The following USP47 variants were observed in gnomAD, a reference collection of about 807,000 sequenced individuals.
USP47 encodes ubiquitin carboxyl-terminal hydrolase 47.
Under a neutral mutation model 165.1 loss-of-function variants are expected in USP47, and 35 were observed. That is an observed-to-expected ratio of 0.21 (90% CI 0.16 to 0.28). The LOEUF (loss-of-function observed/expected upper bound fraction) is 0.28, where lower values mean the gene tolerates loss of function less well. Among genes scored for constraint, USP47 ranks in the 10% least tolerant of loss-of-function variants. The pLI is 1.00. For synonymous variants in USP47, 531 were observed against 544.5 expected, an observed-to-expected ratio of 0.98 and a Z score of 0.35; for missense variants, 1,277 against 1,607.4, an observed-to-expected ratio of 0.79 and a Z score of 3.52.
intron 7 of USP47, among the ~76,000 whole-genome samples, chr11:11,905,072 C>T (rs1852466826): frequency 6.6e-6 from 1 of 151,934 alleles, no homozygotes; most frequent in African/African-American, 2.4e-5. Flanking sequence ...TAATTGGTAA[C>T]TGATTTCATC....
chr11:11,905,977 C>G (rs1852534801), intron 8 of USP47, among the ~76,000 whole-genome samples: 1 of 151,832 alleles, frequency 6.6e-6, no homozygotes, highest in Non-Finnish European at 1.5e-5. Flanking sequence ...GACAAACAGT[C>G]CATATTTTTA....
At position 11,932,317 on chromosome 11, in the gene USP47, A is replaced by G. The variant is rs554334733; in HGVS notation, c.1652-687A>G. Among the ~76,000 whole-genome samples, 10 of 152,294 alleles carry G rather than the reference A, an allele frequency of 6.6e-5. No homozygotes were observed. The South Asian group carries it at 8.3e-4, about 13-fold the overall frequency. On this transcript the variant is annotated intron_variant, in intron 14 of 27. Coordinates refer to ENST00000527733, the MANE Select transcript of USP47 (RefSeq NM_001282659.2). ...CCCACCTCCAGTATTGGGGATTCCA[A>G]TTCAACATGAGATTTGGGCGAGGAC...
At chr11:11,902,602 C>G in intron 5 of USP47, 113 bp from the exon 6 acceptor site, 1 of 757,000 alleles carries the variant, frequency 1.3e-6, no homozygotes, top group African/African-American at 1.8e-5. Flanking sequence ...AGCATTCAAA[C>G]TCTGTATAGC....
At position 11,959,405 on chromosome 11, in the gene USP47, G is replaced by A. The variant is rs1359172050; in HGVS notation, c.*3230G>A. 6.6e-6 allele frequency: 1 copy of A among 152,148 alleles called. No homozygotes were observed. Among genetic ancestry groups the A allele is most frequent in the East Asian group, 1.9e-4 (1 of 5,186 alleles). 9.4% of individuals were successfully genotyped at this position (152,148 alleles called of 1,614,324 possible). On this transcript the variant is annotated 3_prime_UTR_variant, in exon 28 of 28. Transcript: ENST00000527733. ...TCTTATAAGGCCATATGTCCTGAAA[G>A]GCAAAACTCTGTGTATGTGCGATTT... is the stretch of plus-strand genomic sequence containing the variant.
chr11:11,880,415 T>G, intron 2 of USP47, 35 bp downstream of exon 2: 1 of 1,260,494 alleles, frequency 7.9e-7, no homozygotes, highest in South Asian at 3.1e-5. Flanking sequence ...AAAAATGTTA[T>G]TATAGCCATT....
chr11:11,880,434 T>C (rs1850754144), intron 2 of USP47, 54 bp downstream of exon 2: 1 of 1,209,794 alleles, frequency 8.3e-7, no homozygotes, highest in Admixed American at 4.1e-5. Flanking sequence ...TTGTTGTTGT[T>C]GTTACTGATG....
chr11:11,943,189 T>C, intron 20 of USP47, 77 bp downstream of exon 20: 1 of 1,462,596 alleles, frequency 6.8e-7, no homozygotes, highest in Non-Finnish European at 9.2e-7. Flanking sequence ...TTCAGTTAAG[T>C]GTTAGGTACT....
At chr11:11,940,880 A>G (rs1054800137) in intron 19 of USP47, among the ~76,000 whole-genome samples, 1 of 150,520 alleles carries the variant, frequency 6.6e-6, no homozygotes, top group Non-Finnish European at 1.5e-5. Context: ...ATTTCTTCCC[A>G]CAGTGATTAT....
rs1159613915 is a variant in USP47, at chr11:11,958,801, A to G, written c.*2626A>G. 6.6e-6 allele frequency: 1 copy of G among 152,228 alleles called. No individual in the cohort carries two copies. Among genetic ancestry groups the G allele is most frequent in the African/African-American group, 2.4e-5 (1 of 41,458 alleles). 9.4% of individuals were successfully genotyped at this position (152,228 alleles called of 1,614,324 possible). The stretch of plus-strand genomic sequence containing the variant: ...TGTAGCTGATCTGTACGGGACGTGT[A>G]TGTAAGGAAGAGCAATCATGATAGA... On this transcript the variant is annotated 3_prime_UTR_variant, in exon 28 of 28. Coordinates refer to ENST00000527733, the MANE Select transcript of USP47 (RefSeq NM_001282659.2).
intron 3 of USP47, among the ~76,000 whole-genome samples, chr11:11,885,342 G>T (rs181089239): frequency 1.3e-5 from 2 of 152,090 alleles, no homozygotes; most frequent in African/African-American, 4.8e-5. Flanking sequence ...CCAAGTTCTC[G>T]CACTGAGACT....
chr11:11,960,428 G>A lies in USP47; in HGVS notation c.*4253G>A, dbSNP rs1847401899. Among the ~76,000 whole-genome samples, 1 of 107,370 alleles carries A rather than the reference G, an allele frequency of 9.3e-6. No homozygotes were observed. The allele number at this position is 107,370 out of a possible 152,430, so 70.4% of individuals were successfully genotyped here. On this transcript the variant is annotated 3_prime_UTR_variant, in exon 28 of 28. Coordinates refer to ENST00000527733, the MANE Select transcript of USP47 (RefSeq NM_001282659.2). ...GTGCTCCCTCATGAAATTTGACAGT[G>A]TCTTGCCAGCCTCCTGCTGGCAGAC... is the stretch of plus-strand genomic sequence containing the variant.
intron 1 of USP47, among the ~76,000 whole-genome samples, chr11:11,844,604 A>G (rs980052288): frequency 6.6e-6 from 1 of 152,186 alleles, no homozygotes; most frequent in African/African-American, 2.4e-5. Flanking sequence ...CCCTACATGT[A>G]ATTTAGAGGC....
intron 5 of USP47, among the ~76,000 whole-genome samples, 199 bp from the exon 6 acceptor site, chr11:11,902,516 G>T (rs1043717902): frequency 6.6e-6 from 1 of 151,988 alleles, no homozygotes; most frequent in Non-Finnish European, 1.5e-5. Flanking sequence ...GCCTTTTCTT[G>T]TTAAAGTCTA....
intron 20 of USP47, 130 bp from the exon 21 acceptor site, chr11:11,947,815 C>A: frequency 2.3e-6 from 2 of 872,834 alleles, no homozygotes; most frequent in Non-Finnish European, 1.7e-6. Context: ...GGTATATTAG[C>A]TAAAGTCTAA....
chr11:11,853,385 A>G (rs1043432212), intron 1 of USP47, among the ~76,000 whole-genome samples: 4 of 152,192 alleles, frequency 2.6e-5, no homozygotes, highest in African/African-American at 9.7e-5. Context: ...CAGATTTTCA[A>G]ATCTAACATA....
At chr11:11,898,122 T>C (rs1851957888) in intron 5 of USP47, among the ~76,000 whole-genome samples, 1 of 139,772 alleles carries the variant, frequency 7.2e-6, no homozygotes, top group Non-Finnish European at 1.6e-5. Flanking sequence ...GCTTGTTTCA[T>C]GTGCGTGTGT....
chr11:11,917,462 A>G (rs1853508280), intron 8 of USP47, among the ~76,000 whole-genome samples: 1 of 152,152 alleles, frequency 6.6e-6, no homozygotes. Flanking sequence ...CAAGGGTGGG[A>G]ACACGGGAAC....
intron 1 of USP47, among the ~76,000 whole-genome samples, chr11:11,879,940 A>G (rs1005587465): frequency 1.4e-4 from 22 of 152,124 alleles, no homozygotes; most frequent in African/African-American, 3.4e-4. Flanking sequence ...TCCAAAAATG[A>G]TTGTTGATTC....
At chr11:11,909,153 GT>G (rs765616242) in intron 8 of USP47, among the ~76,000 whole-genome samples, 5 of 152,038 alleles carry the variant, frequency 3.3e-5, no homozygotes, top group South Asian at 2.1e-4. Context: ...GTTTATATTT[GT>G]GTCCTTGGGA....
Sources: gnomAD v4.1 joint callset for allele counts (sites outside exome capture counted in the v4.1 genomes callset) on GRCh38, gnomAD v4.1.1 for gene constraint, MANE v1.5 for transcripts, NCBI Gene and HGNC (gene_info 2026-07-23, HGNC 2026-07-21) for gene names.